The following CFAP61 variants were observed in gnomAD, a reference collection of about 807,000 sequenced individuals.
CFAP61 encodes the protein cilia- and flagella-associated protein 61.
CFAP61 carries 107 observed loss-of-function variants against 135.6 expected under a neutral mutation model. The ratio of observed to expected loss-of-function variants is 0.79; its 90% CI spans 0.67 to 0.93. CFAP61 has a LOEUF of 0.93. Among genes scored for constraint, CFAP61 ranks in the 40% least tolerant of loss-of-function variants. CFAP61 has a pLI of 0.00. For missense variants in CFAP61, 1,507 were observed against 1,556.2 expected, an observed-to-expected ratio of 0.97 and a Z score of 0.53; for synonymous variants, 575 against 578.5, an observed-to-expected ratio of 0.99 and a Z score of 0.09.
At chr20:20,151,946 G>T in intron 9 of CFAP61, among the ~76,000 whole-genome samples, 1 of 151,314 alleles carries the variant, frequency 6.6e-6, no homozygotes, top group Middle Eastern at 3.2e-3. Flanking sequence ...ACAAAGGAAA[G>T]AAAATTAAGA....
At chr20:20,259,596 T>C (rs2051993687) in intron 20 of CFAP61, 1 of 151,970 alleles carries the variant, frequency 6.6e-6, no homozygotes, top group African/African-American at 2.4e-5. Flanking sequence ...TAATGTGTGG[T>C]TTCCATTCTC....
chr20:20,212,220 C>T (rs2047698675), intron 17 of CFAP61, among the ~76,000 whole-genome samples: 1 of 152,136 alleles, frequency 6.6e-6, no homozygotes, highest in African/African-American at 2.4e-5. Context: ...CCATAGTTCA[C>T]AGAGCCCAAA....
At chr20:20,295,142 A>G (rs963578991) in intron 24 of CFAP61, among the ~76,000 whole-genome samples, 1 of 152,034 alleles carries the variant, frequency 6.6e-6, no homozygotes, top group Non-Finnish European at 1.5e-5. Context: ...GTCACCACCA[A>G]CTAAGTGACT....
intron 6 of CFAP61, chr20:20,085,448 C>G (rs756566839): frequency 8.1e-6 from 11 of 1,365,630 alleles, no homozygotes; most frequent in Non-Finnish European, 1.1e-5. Context: ...TCCTCTTTAT[C>G]CATTTTGGGA....
intron 19 of CFAP61, 98 bp from the exon 20 acceptor site, chr20:20,251,497 C>A: frequency 8.8e-7 from 1 of 1,131,792 alleles, no homozygotes; most frequent in Non-Finnish European, 1.3e-6. Context: ...AGAGCACGGA[C>A]TCAGCCCACT....
chr20:20,157,739 G>T (rs2053053328), intron 9 of CFAP61, among the ~76,000 whole-genome samples: 1 of 152,064 alleles, frequency 6.6e-6, no homozygotes, highest in Non-Finnish European at 1.5e-5. Flanking sequence ...AACATTAAAA[G>T]CACAATACAT....
Position 20,172,373 on chromosome 20 carries a change from A to G in CFAP61, c.1385+2913A>G, listed in dbSNP as rs923057771. The stretch of plus-strand genomic sequence containing the variant: ...ACTCTGTTGCCCAGGCTGGAATGCA[A>G]TGGCACAATCATGGCTCGCTGGAGC... On this transcript the variant is annotated intron_variant, in intron 13 of 26. Transcript: ENST00000245957. 11 of 722,526 alleles carry G rather than the reference A, an allele frequency of 1.5e-5. No homozygotes were observed. The South Asian group carries it at 1.9e-4, about 12-fold the overall frequency. 44.8% of individuals were successfully genotyped at this position (722,526 alleles called of 1,614,324 possible). A position where few individuals can be genotyped will look rare whatever the true frequency, so the allele number is the denominator to read the frequency against.
rs754751926 is a variant in CFAP61 at position 20,277,184 on chromosome 20, G to A, written c.2522G>A (p.Gly841Glu). ...ITTEGNIIVY[G>E]NTIDTYTTVE... ...TTCCTAGGGAATATCATTGTCTATGGGAATACAATTGATACTTACACCACC... is the reference window on the plus strand; with the variant it reads ...TTCCTAGGGAATATCATTGTCTATGAGAATACAATTGATACTTACACCACC... Residue 841 changes from glycine to glutamate, a missense_variant, in exon 22 of 27, where the codon GGG (glycine) becomes GAG (glutamate). Coordinates refer to ENST00000245957, the MANE Select transcript of CFAP61 (RefSeq NM_015585.4). The A allele has an allele frequency of 6.2e-6, 10 of 1,610,116 alleles. No homozygotes were observed. The highest frequency in any genetic ancestry group is 8.5e-6 in the Non-Finnish European group (10 of 1,177,186).
At chr20:20,101,810 G>T (rs769763790) in intron 8 of CFAP61, among the ~76,000 whole-genome samples, 1 of 151,934 alleles carries the variant, frequency 6.6e-6, no homozygotes, top group East Asian at 1.9e-4. Flanking sequence ...TGTATTTTTA[G>T]TAGAGACAGA....
intron 2 of CFAP61, among the ~76,000 whole-genome samples, chr20:20,065,078 A>G (rs1464606522): frequency 5.3e-5 from 8 of 152,230 alleles, no homozygotes; most frequent in Admixed American, 2.6e-4. Flanking sequence ...GTGCCACTCA[A>G]TAAATGGTGC....
At chr20:20,349,541 G>A (rs1359586259) in intron 26 of CFAP61, among the ~76,000 whole-genome samples, 1 of 152,082 alleles carries the variant, frequency 6.6e-6, no homozygotes, top group Non-Finnish European at 1.5e-5. Context: ...TTCCAGCATT[G>A]GGGATCACAT....
At chr20:20,296,033 T>G (rs1201885795) in intron 24 of CFAP61, among the ~76,000 whole-genome samples, 85 of 46,178 alleles carry the variant, frequency 1.8e-3, no homozygotes, top group Non-Finnish European at 3.0e-3. Flanking sequence ...CTTCTTTCTT[T>G]TCTTCCTCCC....
intron 1 of CFAP61, 87 bp from the exon 2 acceptor site, chr20:20,056,531 A>G: frequency 2.2e-6 from 2 of 913,922 alleles, no homozygotes; most frequent in Non-Finnish European, 3.4e-6. Flanking sequence ...TTCTCACACC[A>G]TGTTCACTCT....
At chr20:20,147,836 C>G (rs1438045753) in intron 9 of CFAP61, among the ~76,000 whole-genome samples, 3 of 152,032 alleles carry the variant, frequency 2.0e-5, no homozygotes, top group Non-Finnish European at 4.4e-5. Context: ...AGCAAATGTC[C>G]AGAAGAGATT....
chr20:20,309,642 G>A (rs2056699445), intron 25 of CFAP61, among the ~76,000 whole-genome samples: 1 of 152,108 alleles, frequency 6.6e-6, no homozygotes, highest in African/African-American at 2.4e-5. Context: ...ATCATGCAAT[G>A]ACCATTCTTT....
intron 8 of CFAP61, among the ~76,000 whole-genome samples, chr20:20,124,486 A>G (rs1231984703): frequency 6.6e-6 from 1 of 151,826 alleles, no homozygotes; most frequent in Non-Finnish European, 1.5e-5. Context: ...TTCTGCATCT[A>G]TTGAGATGAT....
chr20:20,349,676 G>A (rs1373209727), intron 26 of CFAP61, among the ~76,000 whole-genome samples: 1 of 152,176 alleles, frequency 6.6e-6, no homozygotes. Flanking sequence ...ATACTTGGGA[G>A]CAAATTTAAC....
intron 9 of CFAP61, among the ~76,000 whole-genome samples, chr20:20,150,433 G>C (rs1405480056): frequency 2.0e-5 from 3 of 152,122 alleles, no homozygotes; most frequent in East Asian, 3.9e-4. Context: ...CCACCTCCTG[G>C]CTTGAGGCCA....
intron 8 of CFAP61, among the ~76,000 whole-genome samples, chr20:20,121,457 T>C (rs1194288783): frequency 2.0e-5 from 3 of 152,042 alleles, no homozygotes; most frequent in South Asian, 2.1e-4. Context: ...TTCATTGTTA[T>C]TAATGATAAG....
Sources: allele counts gnomAD v4.1 joint callset (sites outside exome capture counted in the v4.1 genomes callset), GRCh38; gene constraint gnomAD v4.1.1; transcripts MANE v1.5; gene names NCBI Gene and HGNC (gene_info 2026-07-23, HGNC 2026-07-21).